ADAMTS17: variants seen among roughly 807,000 people sequenced by gnomAD.
ADAMTS17 encodes the protein A disintegrin and metalloproteinase with thrombospondin motifs 17.
Under a neutral mutation model 141.5 loss-of-function variants are expected in ADAMTS17, and 113 were observed. That is an observed-to-expected ratio of 0.80 (90% CI 0.69 to 0.93). The LOEUF (loss-of-function observed/expected upper bound fraction) is 0.93, where lower values mean the gene tolerates loss of function less well. Ranked by LOEUF, ADAMTS17 falls within the 40% of genes least tolerant of loss-of-function variation. The pLI, the probability that ADAMTS17 is intolerant of heterozygous loss-of-function variation, is 0.00. For synonymous variants in ADAMTS17, 768 were observed against 630.6 expected (o/e 1.22, Z -3.27); for missense variants, 1,659 against 1,517.9 (o/e 1.09, Z -1.54).
intron 15 of ADAMTS17, among the ~76,000 whole-genome samples, chr15:100,079,381 T>A (rs10152701): frequency 6.6e-6 from 1 of 152,142 alleles, no homozygotes; most frequent in African/African-American, 2.4e-5. Flanking sequence ...AAAAGAAACA[T>A]TGATGTATGT....
chr15:100,095,609 G>A (rs765631413), intron 15 of ADAMTS17, among the ~76,000 whole-genome samples: 3 of 152,152 alleles, frequency 2.0e-5, no homozygotes, highest in South Asian at 2.1e-4. Context: ...GTGCACACTC[G>A]CTAAGGCTGC....
chr15:100,106,317 G>A (rs2036412119), intron 14 of ADAMTS17, among the ~76,000 whole-genome samples: 1 of 152,204 alleles, frequency 6.6e-6, no homozygotes, highest in African/African-American at 2.4e-5. Flanking sequence ...AAGCTACCCA[G>A]TCTAGGGTAT....
intron 3 of ADAMTS17, among the ~76,000 whole-genome samples, chr15:100,305,660 C>T (rs2045198857): frequency 6.6e-6 from 1 of 152,156 alleles, no homozygotes; most frequent in South Asian, 2.1e-4. Context: ...ACACTTAGAT[C>T]TGGATCTACC....
intron 5 of ADAMTS17, among the ~76,000 whole-genome samples, chr15:100,261,972 C>T (rs756300323): frequency 2.2e-4 from 34 of 152,118 alleles, no homozygotes; most frequent in Non-Finnish European, 4.1e-4. Flanking sequence ...TGTGGGAAGG[C>T]GCTCCATTGA....
intron 18 of ADAMTS17, among the ~76,000 whole-genome samples, chr15:100,022,076 G>T (rs1294604899): frequency 6.6e-6 from 1 of 152,172 alleles, no homozygotes; most frequent in Non-Finnish European, 1.5e-5. Flanking sequence ...CTAAGTCTTT[G>T]TTGACCTTGG....
chr15:100,283,738 G>C (rs966243334), intron 3 of ADAMTS17, among the ~76,000 whole-genome samples: 1 of 152,190 alleles, frequency 6.6e-6, no homozygotes, highest in African/African-American at 2.4e-5. Flanking sequence ...TAAGAGCTGA[G>C]AGCTCTCTAA....
At chr15:100,292,884 C>A (rs1429062167) in intron 3 of ADAMTS17, among the ~76,000 whole-genome samples, 1 of 152,178 alleles carries the variant, frequency 6.6e-6, no homozygotes, top group Non-Finnish European at 1.5e-5. Context: ...GGATACCATT[C>A]CTTAGGGACA....
At chr15:100,290,820 C>A (rs118100551) in intron 3 of ADAMTS17, among the ~76,000 whole-genome samples, 4,266 of 152,258 alleles carry the variant, frequency 0.028, 98 homozygotes, top group Non-Finnish European at 0.043. Context: ...AATTGGACCC[C>A]TTCCTCTCAC....
chr15:100,168,055 C>T lies in ADAMTS17; in HGVS notation c.1182-12735G>A, dbSNP rs1047832636. 9.2e-5 allele frequency among the ~76,000 whole-genome samples: 14 copies of T among 152,202 alleles called. No homozygotes were observed. In the East Asian group the frequency reaches 9.6e-4, roughly 10 times the overall value. On this transcript the variant is annotated intron_variant, in intron 8 of 21. Transcript: ENST00000268070. ...CACCGCAGGACGAACAAGGCGGGTA[C>T]GTGTTGGCTTTCTGGGACTCCTGTT...
chr15:100,056,817 TAA>T (rs1269070755), intron 15 of ADAMTS17, among the ~76,000 whole-genome samples: 2 of 152,062 alleles, frequency 1.3e-5, no homozygotes, highest in African/African-American at 4.8e-5. Context: ...CACTGCTGGC[TAA>T]AGACAGACAC....
chr15:100,141,353 C>T (rs908948594), intron 10 of ADAMTS17, among the ~76,000 whole-genome samples: 9 of 152,192 alleles, frequency 5.9e-5, no homozygotes, highest in African/African-American at 2.2e-4. Context: ...TTGCTGTTCT[C>T]TTGCCTCATC....
At chr15:100,056,786 A>C (rs1397597365) in intron 15 of ADAMTS17, among the ~76,000 whole-genome samples, 1 of 152,076 alleles carries the variant, frequency 6.6e-6, no homozygotes, top group Non-Finnish European at 1.5e-5. Flanking sequence ...CCATTCCCTC[A>C]GCCTATTTTG....
intron 18 of ADAMTS17, 86 bp downstream of exon 18, chr15:100,048,771 G>C: frequency 6.4e-7 from 1 of 1,569,184 alleles, no homozygotes; most frequent in Non-Finnish European, 8.7e-7. Context: ...CAGTACTGTG[G>C]CATTAACTGC....
At chr15:100,319,808 T>C (rs1471969295) in intron 3 of ADAMTS17, among the ~76,000 whole-genome samples, 1 of 151,678 alleles carries the variant, frequency 6.6e-6, no homozygotes, top group Non-Finnish European at 1.5e-5. Context: ...CTCACACCTA[T>C]AATCCCAGCC....
chr15:100,330,863 C>T lies in ADAMTS17; in HGVS notation c.616+26G>A, dbSNP rs763168596. Reference sequence around the variant, plus strand: ...ATGTGGGCTGTGCGTGTGTTCTAAGCTGGTCATGCTGCTGCCCCGACTCAC... The same window carrying T: ...ATGTGGGCTGTGCGTGTGTTCTAAGTTGGTCATGCTGCTGCCCCGACTCAC... On this transcript the variant is annotated intron_variant, in intron 3 of 21. Coordinates refer to ENST00000268070, the MANE Select transcript of ADAMTS17 (RefSeq NM_139057.4). 7 of 1,613,204 alleles carry T rather than the reference C, an allele frequency of 4.3e-6. No individual in the cohort carries two copies. The East Asian group carries it at 6.7e-5, about 15-fold the overall frequency.
intron 18 of ADAMTS17, among the ~76,000 whole-genome samples, chr15:100,045,302 T>C (rs2031599621): frequency 6.6e-6 from 1 of 152,238 alleles, no homozygotes; most frequent in Non-Finnish European, 1.5e-5. Context: ...TCTCTTTTCA[T>C]ACTAAATCTT....
At chr15:100,161,173 T>C (rs2039676317) in intron 8 of ADAMTS17, among the ~76,000 whole-genome samples, 1 of 152,308 alleles carries the variant, frequency 6.6e-6, no homozygotes, top group African/African-American at 2.4e-5. Context: ...GTATTTGTTT[T>C]GGGAGACACA....
chr15:100,015,087 T>A (rs778572242), intron 18 of ADAMTS17, among the ~76,000 whole-genome samples: 1 of 152,240 alleles, frequency 6.6e-6, no homozygotes, highest in South Asian at 2.1e-4. Flanking sequence ...ATTTTCCTGT[T>A]GGACAAGACC....
chr15:100,261,057 C>CA (rs2043498311), intron 6 of ADAMTS17, among the ~76,000 whole-genome samples: 1 of 152,110 alleles, frequency 6.6e-6, no homozygotes, highest in Admixed American at 6.5e-5. Flanking sequence ...TTGTATCCCC[C>CA]AAAAAAGAAA....
Sources: allele counts gnomAD v4.1 joint callset (sites outside exome capture counted in the v4.1 genomes callset), GRCh38; gene constraint gnomAD v4.1.1; transcripts MANE v1.5; gene names NCBI Gene and HGNC (gene_info 2026-07-23, HGNC 2026-07-21).